Variants in INPP4B observed in about 807,000 individuals in gnomAD.
INPP4B encodes inositol polyphosphate 4-phosphatase type II.
A neutral mutation model predicts 122.5 loss-of-function variants in INPP4B; 55 were observed. The ratio of observed to expected loss-of-function variants is 0.45; its 90% CI spans 0.36 to 0.56. INPP4B has a LOEUF of 0.56. INPP4B is among the 20% of genes least tolerant of loss of function. INPP4B has a pLI of 0.00. For missense variants in INPP4B, 1,000 were observed against 1,097.7 expected (o/e 0.91, Z 1.26); for synonymous variants, 403 against 388.7 (o/e 1.04, Z -0.43).
chr4:142,311,461 A>T (rs1460769123), intron 8 of INPP4B, among the ~76,000 whole-genome samples: 3 of 152,200 alleles, frequency 2.0e-5, no homozygotes, highest in African/African-American at 7.2e-5. Context: ...TGGTTCTAAT[A>T]ATACATAAAA....
intron 2 of INPP4B, among the ~76,000 whole-genome samples, chr4:142,493,786 G>C (rs1822177799): frequency 6.6e-6 from 1 of 152,138 alleles, no homozygotes; most frequent in Non-Finnish European, 1.5e-5. Context: ...GCTTGAATGA[G>C]CTAAGACTTT....
In INPP4B at chr4:142,505,392, G is replaced by A. The variant is rs61411607; in HGVS notation, c.-190-42666C>T. Among the ~76,000 whole-genome samples the A allele has an allele frequency of 7.1e-3, 1,081 of 152,176 alleles. 15 individuals are homozygous for A. Among genetic ancestry groups the A allele is most frequent in the African/African-American group, 0.025 (1,023 of 41,530 alleles). ...TGGCTAGGAAAATTTCTCTGGCTATGTTTAGGAGATAAAAGGAAGGGAGTG... is the reference window on the plus strand; with the variant it reads ...TGGCTAGGAAAATTTCTCTGGCTATATTTAGGAGATAAAAGGAAGGGAGTG... On this transcript the variant is annotated intron_variant, in intron 2 of 25. Transcript: ENST00000262992.
At chr4:142,483,654 G>T (rs2149749079) in intron 2 of INPP4B, among the ~76,000 whole-genome samples, 1 of 152,162 alleles carries the variant, frequency 6.6e-6, no homozygotes, top group Non-Finnish European at 1.5e-5. Context: ...CTGGGAAGAT[G>T]CCTTATCTGA....
At chr4:142,737,168 A>T (rs1767065114) in intron 1 of INPP4B, among the ~76,000 whole-genome samples, 1 of 152,178 alleles carries the variant, frequency 6.6e-6, no homozygotes, top group Non-Finnish European at 1.5e-5. Flanking sequence ...ATCCTAAGCC[A>T]AAAGAACAAA....
chr4:142,620,507 A>T (rs751540945), intron 2 of INPP4B, among the ~76,000 whole-genome samples: 14 of 151,916 alleles, frequency 9.2e-5, no homozygotes, highest in Non-Finnish European at 1.8e-4. Flanking sequence ...CCACTTGAGG[A>T]TGGAGTGGGG....
chr4:142,041,110 G>T (rs1270984957), intron 25 of INPP4B, among the ~76,000 whole-genome samples: 1 of 152,048 alleles, frequency 6.6e-6, no homozygotes, highest in African/African-American at 2.4e-5. Flanking sequence ...TCTGAAAGTA[G>T]CCTGGGAAAT....
At chr4:142,530,107 T>C (rs761066470) in intron 2 of INPP4B, among the ~76,000 whole-genome samples, 16 of 152,098 alleles carry the variant, frequency 1.1e-4, no homozygotes, top group Admixed American at 2.6e-4. Context: ...GATAGATGGC[T>C]GAAGCACTGA....
At chr4:142,524,215 T>C (rs1826512622) in intron 2 of INPP4B, among the ~76,000 whole-genome samples, 1 of 152,110 alleles carries the variant, frequency 6.6e-6, no homozygotes, top group South Asian at 2.1e-4. Flanking sequence ...TAGTTCTAGA[T>C]CCTGAGGAAT....
chr4:142,349,432 A>G (rs1781295084), intron 7 of INPP4B, among the ~76,000 whole-genome samples: 1 of 152,050 alleles, frequency 6.6e-6, no homozygotes, highest in African/African-American at 2.4e-5. Context: ...ATAGTAGCTT[A>G]GCACTAAGTG....
At chr4:142,464,508 A>T (rs12500133) in intron 2 of INPP4B, among the ~76,000 whole-genome samples, 1 of 152,094 alleles carries the variant, frequency 6.6e-6, no homozygotes, top group Non-Finnish European at 1.5e-5. Context: ...GCTTTAAATT[A>T]TACCAGGACT....
rs115295134 is a variant in INPP4B, at chr4:142,226,282, C to T, written c.836+11582G>A. On this transcript the variant is annotated intron_variant, in intron 12 of 25. Transcript: ENST00000262992. Reference sequence around the variant, plus strand: ...CAGACCTTAAATACACATAGGATCTCTATGCTGTTTTCAACATAAACTGTT... The same window carrying T: ...CAGACCTTAAATACACATAGGATCTTTATGCTGTTTTCAACATAAACTGTT... Among the ~76,000 whole-genome samples, 193 of 151,608 alleles carry T rather than the reference C, an allele frequency of 1.3e-3. 1 individual carries two copies. The highest frequency in any genetic ancestry group is 4.6e-3 in the African/African-American group (188 of 40,984).
intron 2 of INPP4B, among the ~76,000 whole-genome samples, chr4:142,613,146 TTC>T (rs560092222): frequency 6.8e-4 from 104 of 152,258 alleles, no homozygotes; most frequent in Admixed American, 5.0e-3. Context: ...GAGAGAGCTT[TTC>T]TCCCTGATGA....
chr4:142,625,801 C>G (rs1266303805), intron 2 of INPP4B, among the ~76,000 whole-genome samples: 1 of 152,024 alleles, frequency 6.6e-6, no homozygotes, highest in African/African-American at 2.4e-5. Context: ...ATCAATGGAA[C>G]AGAACAGAGC....
At chr4:142,829,249 G>A (rs1371262468) in intron 1 of INPP4B, among the ~76,000 whole-genome samples, 1 of 152,022 alleles carries the variant, frequency 6.6e-6, no homozygotes, top group African/African-American at 2.4e-5. Flanking sequence ...CATGCTCTTT[G>A]CCATCAGAAA....
chr4:142,282,105 G>A (rs1488734160), intron 9 of INPP4B, among the ~76,000 whole-genome samples: 1 of 152,016 alleles, frequency 6.6e-6, no homozygotes, highest in African/African-American at 2.4e-5. Flanking sequence ...AATTAAGCAG[G>A]GTAAAAGGTG....
intron 23 of INPP4B, among the ~76,000 whole-genome samples, chr4:142,100,120 T>C (rs746413310): frequency 1.3e-5 from 2 of 152,136 alleles, no homozygotes; most frequent in Non-Finnish European, 2.9e-5. Flanking sequence ...CAATCGCTGA[T>C]ATGCCCTCAT....
chr4:142,418,979 G>A (rs1269794985), intron 5 of INPP4B, among the ~76,000 whole-genome samples: 1 of 152,068 alleles, frequency 6.6e-6, no homozygotes, highest in Non-Finnish European at 1.5e-5. Context: ...AAGGGGTGGT[G>A]AAATTCAGAA....
At chr4:142,524,440 C>G (rs1465563223) in intron 2 of INPP4B, among the ~76,000 whole-genome samples, 1 of 151,854 alleles carries the variant, frequency 6.6e-6, no homozygotes, top group Non-Finnish European at 1.5e-5. Context: ...TGTTTTTTGG[C>G]TGCATAAATG....
intron 2 of INPP4B, among the ~76,000 whole-genome samples, chr4:142,567,038 A>T (rs1731762035): frequency 1.3e-5 from 2 of 152,140 alleles, no homozygotes; most frequent in African/African-American, 2.4e-5. Flanking sequence ...CCTTTTACAC[A>T]TCAGGTATCT....
Sources: allele counts gnomAD v4.1 joint callset (sites outside exome capture counted in the v4.1 genomes callset), GRCh38; gene constraint gnomAD v4.1.1; transcripts MANE v1.5; gene names NCBI Gene and HGNC (gene_info 2026-07-23, HGNC 2026-07-21).